The following SNTG1 variants were observed in gnomAD, a reference collection of about 807,000 sequenced individuals.
The protein encoded by SNTG1 is syntrophin gamma 1, also known as gamma-1-syntrophin.
In SNTG1, 39 loss-of-function variants were observed where a neutral mutation model predicts 74.7. That is an observed-to-expected ratio of 0.52 (90% CI 0.40 to 0.68). The LOEUF is 0.68. Among genes scored for constraint, SNTG1 ranks in the 30% least tolerant of loss-of-function variants. The probability of loss-of-function intolerance (pLI) is 0.00; values close to 1 mark genes in which losing one functional copy is unlikely to be tolerated. For missense variants in SNTG1, 685 were observed against 609.5 expected (o/e 1.12, Z -1.30); for synonymous variants, 254 against 217.1 (o/e 1.17, Z -1.49).
At chr8:50,539,705 C>T (rs545137436) in intron 11 of SNTG1, among the ~76,000 whole-genome samples, 1 of 152,268 alleles carries the variant, frequency 6.6e-6, no homozygotes, top group East Asian at 1.9e-4. Context: ...GTCCATGACA[C>T]CCCACTGACA....
chr8:50,019,207 G>A (rs4467946), intron 1 of SNTG1, among the ~76,000 whole-genome samples: 15,259 of 152,014 alleles, frequency 0.1, 2,006 homozygotes, highest in African/African-American at 0.3. Flanking sequence ...ATTTTAAATG[G>A]ATGGATTTTA....
chr8:50,779,803 A>G (rs925450482), intron 18 of SNTG1, among the ~76,000 whole-genome samples: 2 of 152,056 alleles, frequency 1.3e-5, no homozygotes, highest in African/African-American at 4.8e-5. Context: ...GAATGCTTCC[A>G]GTTTTTGCCA....
chr8:50,238,113 A>G (rs1304847162), intron 2 of SNTG1, among the ~76,000 whole-genome samples: 1 of 152,144 alleles, frequency 6.6e-6, no homozygotes, highest in African/African-American at 2.4e-5. Context: ...CACACTACCA[A>G]TGACATTTTT....
intron 2 of SNTG1, among the ~76,000 whole-genome samples, chr8:50,290,597 A>G (rs745430521): frequency 2.0e-5 from 3 of 152,160 alleles, no homozygotes; most frequent in African/African-American, 4.8e-5. Context: ...ATTCCTAAAT[A>G]TAGTCATTAG....
chr8:50,285,112 A>G (rs1414018645), intron 2 of SNTG1, among the ~76,000 whole-genome samples: 4 of 152,192 alleles, frequency 2.6e-5, no homozygotes, highest in Admixed American at 1.3e-4. Context: ...GTTTCTCTCC[A>G]GGCACCCTTG....
At chr8:50,304,153 T>C (rs148638002) in intron 2 of SNTG1, among the ~76,000 whole-genome samples, 2 of 152,306 alleles carry the variant, frequency 1.3e-5, no homozygotes, top group Non-Finnish European at 2.9e-5. Context: ...GTCATTATCA[T>C]GGGAGTGTGT....
At chr8:50,664,374 A>C (rs2095240473) in intron 15 of SNTG1, among the ~76,000 whole-genome samples, 1 of 152,204 alleles carries the variant, frequency 6.6e-6, no homozygotes, top group Non-Finnish European at 1.5e-5. Flanking sequence ...AATATATATC[A>C]AGAATGAGAA....
intron 12 of SNTG1, among the ~76,000 whole-genome samples, chr8:50,587,194 GC>G (rs1318933739): frequency 1.3e-5 from 2 of 151,238 alleles, no homozygotes; most frequent in African/African-American, 4.9e-5. Flanking sequence ...ACACATATAT[GC>G]ATACATACAT....
intron 1 of SNTG1, among the ~76,000 whole-genome samples, chr8:50,108,129 A>G (rs1371342720): frequency 2.0e-5 from 3 of 152,202 alleles, no homozygotes; most frequent in Admixed American, 6.5e-5. Flanking sequence ...TCTACCTTGC[A>G]TAGTTTTCTC....
intron 18 of SNTG1, among the ~76,000 whole-genome samples, chr8:50,787,360 G>A (rs567149459): frequency 1.2e-4 from 18 of 151,792 alleles, no homozygotes; most frequent in Non-Finnish European, 2.1e-4. Context: ...GATTAGTGAG[G>A]ATGTAGAGAA....
At chr8:50,344,928 C>T (rs1323976903) in intron 2 of SNTG1, among the ~76,000 whole-genome samples, 6 of 152,126 alleles carry the variant, frequency 3.9e-5, no homozygotes, top group Non-Finnish European at 8.8e-5. Context: ...AGAGTGGTGT[C>T]TGACCTGAGG....
At chr8:50,060,469 A>G (rs761687375) in intron 1 of SNTG1, among the ~76,000 whole-genome samples, 1 of 151,954 alleles carries the variant, frequency 6.6e-6, no homozygotes, top group Non-Finnish European at 1.5e-5. Flanking sequence ...TTCTTCTAGT[A>G]TTTTTATTAC....
chr8:50,031,856 C>T (rs946199364), intron 1 of SNTG1, among the ~76,000 whole-genome samples: 1 of 152,012 alleles, frequency 6.6e-6, no homozygotes, highest in South Asian at 2.1e-4. Flanking sequence ...AGTGTTGCTG[C>T]CTCCATTTTC....
chr8:50,087,847 T>C (rs1231038320), intron 1 of SNTG1, among the ~76,000 whole-genome samples: 1 of 151,322 alleles, frequency 6.6e-6, no homozygotes, highest in East Asian at 1.9e-4. Context: ...TAGTTACATA[T>C]GTATACATGT....
chr8:50,767,631 T>G (rs1027083183), intron 18 of SNTG1, among the ~76,000 whole-genome samples: 1 of 151,908 alleles, frequency 6.6e-6, no homozygotes, highest in Non-Finnish European at 1.5e-5. Context: ...TTACAAAAGC[T>G]TATTTTATTG....
intron 3 of SNTG1, among the ~76,000 whole-genome samples, chr8:50,400,160 T>A (rs1028058235): frequency 6.6e-6 from 1 of 152,192 alleles, no homozygotes; most frequent in African/African-American, 2.4e-5. Flanking sequence ...GCAATAGCCA[T>A]GGAAATGTAT....
chr8:50,016,838 C>A (rs1816366178), intron 1 of SNTG1, among the ~76,000 whole-genome samples: 1 of 151,966 alleles, frequency 6.6e-6, no homozygotes, highest in Non-Finnish European at 1.5e-5. Context: ...TATCAAACAG[C>A]AAATTCCACC....
chr8:50,157,701 G>C (rs181541573), intron 1 of SNTG1, among the ~76,000 whole-genome samples: 1 of 152,146 alleles, frequency 6.6e-6, no homozygotes, highest in African/African-American at 2.4e-5. Context: ...CATTAAAACG[G>C]AGGTAAAATT....
intron 4 of SNTG1, among the ~76,000 whole-genome samples, chr8:50,428,524 A>G (rs2093192987): frequency 6.6e-6 from 1 of 152,206 alleles, no homozygotes; most frequent in South Asian, 2.1e-4. Flanking sequence ...GCTAACAAGG[A>G]ATATTTAAAT....
Sources: allele counts gnomAD v4.1 joint callset (sites outside exome capture counted in the v4.1 genomes callset), GRCh38; gene constraint gnomAD v4.1.1; transcripts MANE v1.5; gene names NCBI Gene and HGNC (gene_info 2026-07-23, HGNC 2026-07-21).